MBOAT1: variants seen among roughly 807,000 people sequenced by gnomAD.
MBOAT1 encodes the protein membrane bound glycerophospholipid O-acyltransferase 1, also known as membrane-bound glycerophospholipid O-acyltransferase 1.
MBOAT1 carries 67 observed loss-of-function variants against 64.4 expected under a neutral mutation model. That is an observed-to-expected ratio of 1.04 (90% CI 0.85 to 1.27). The LOEUF is 1.27. Ranked by LOEUF, MBOAT1 falls within the 50% of genes most tolerant of loss-of-function variation. The pLI is 0.00. For missense variants in MBOAT1, 563 were observed against 604.6 expected (o/e 0.93, Z 0.72); for synonymous variants, 229 against 218.9 (o/e 1.05, Z -0.41).
Position 20,109,704 on chromosome 6 carries a change from T to C in MBOAT1, c.1255A>G (p.Lys419Glu), listed in dbSNP as rs750575818. ...CAGGTGCCTGCATCATACACAGCCT[T>C]GAGAGCTCTTGAAGAAAGGAAGTAA... ...RHYFLSSRAL[K>E]AVYDAGTWAV... The change falls in exon 12 of 13, where the codon AAG becomes GAG. Residue 419 changes from lysine (K) to glutamate (E), a missense_variant. Physicochemically the swap from Lys to Glu is moderately conservative, Grantham distance 56. Transcript: ENST00000324607. 3 of 1,614,076 alleles carry C rather than the reference T, an allele frequency of 1.9e-6. No individual in the cohort carries two copies. The Admixed American group carries it at 5.0e-5, about 27-fold the overall frequency.
chr6:20,178,649 AGTTATT>A (rs1290186543), intron 1 of MBOAT1, among the ~76,000 whole-genome samples: 3 of 152,112 alleles, frequency 2.0e-5, no homozygotes, highest in Non-Finnish European at 2.9e-5. Flanking sequence ...TAAAATTAAT[AGTTATT>A]GTTATTGTTG....
intron 1 of MBOAT1, among the ~76,000 whole-genome samples, chr6:20,161,429 C>T (rs1761855156): frequency 6.6e-6 from 1 of 151,922 alleles, no homozygotes; most frequent in African/African-American, 2.4e-5. Context: ...GAAATCATCC[C>T]CATCCCCCAC....
intron 1 of MBOAT1, among the ~76,000 whole-genome samples, chr6:20,164,530 G>A (rs1361736892): frequency 6.6e-6 from 1 of 152,142 alleles, no homozygotes; most frequent in Non-Finnish European, 1.5e-5. Context: ...CTCAACACTG[G>A]AATCAACCAA....
intron 4 of MBOAT1, among the ~76,000 whole-genome samples, chr6:20,132,363 T>G (rs541607978): frequency 6.6e-6 from 1 of 152,218 alleles, no homozygotes; most frequent in Non-Finnish European, 1.5e-5. Flanking sequence ...AGAAGATACA[T>G]TTGTAAAATG....
rs1299509897 is a variant in MBOAT1, at chr6:20,128,606, A to AACAGAATTAATGTGT, written c.530+78_530+92dup. On this transcript the variant is annotated intron_variant, in intron 6 of 12. Transcript: ENST00000324607. ...AAAATAAATGATATTATATCCATAG[A>AACAGAATTAATGTGT]ACAGAATTAATGTGTAGATATTTTT... The AACAGAATTAATGTGT allele has an allele frequency of 6.1e-5, 52 of 859,034 alleles. No homozygotes were observed. In the African/African-American group the frequency reaches 8.3e-4, roughly 14 times the overall value. The allele number at this position is 859,034 out of a possible 1,614,324, so 53.2% of individuals were successfully genotyped here.
At chr6:20,196,676 C>G (rs1027000987) in intron 1 of MBOAT1, among the ~76,000 whole-genome samples, 1 of 152,068 alleles carries the variant, frequency 6.6e-6, no homozygotes, top group Admixed American at 6.6e-5. Flanking sequence ...GCCTGGCCAA[C>G]ATGGTGATAC....
intron 4 of MBOAT1, among the ~76,000 whole-genome samples, chr6:20,135,121 A>T (rs756396085): frequency 1.3e-5 from 2 of 152,086 alleles, no homozygotes; most frequent in Non-Finnish European, 2.9e-5. Flanking sequence ...CATAGGATCC[A>T]ATCATAGGAT....
At chr6:20,154,495 T>C (rs1360413493) in intron 1 of MBOAT1, among the ~76,000 whole-genome samples, 2 of 152,086 alleles carry the variant, frequency 1.3e-5, no homozygotes, top group African/African-American at 4.8e-5. Context: ...ATCGCACCAC[T>C]GCACTCCAGC....
At chr6:20,198,281 C>T (rs1220000159) in intron 1 of MBOAT1, among the ~76,000 whole-genome samples, 3 of 151,598 alleles carry the variant, frequency 2.0e-5, no homozygotes, top group African/African-American at 4.8e-5. Flanking sequence ...CACCTAAGAA[C>T]GTGTTCCATC....
chr6:20,127,618 G>A (rs535768270), intron 6 of MBOAT1, among the ~76,000 whole-genome samples: 46 of 152,286 alleles, frequency 3.0e-4, no homozygotes, highest in African/African-American at 1.1e-3. Context: ...GATGTAGGCT[G>A]CACACTCCTT....
At chr6:20,183,619 G>T (rs1762568345) in intron 1 of MBOAT1, among the ~76,000 whole-genome samples, 1 of 152,188 alleles carries the variant, frequency 6.6e-6, no homozygotes, top group Non-Finnish European at 1.5e-5. Flanking sequence ...CCTGCCAAGT[G>T]TTAAGTCCAC....
chr6:20,209,192 T>G (rs1763349906), intron 1 of MBOAT1, among the ~76,000 whole-genome samples: 1 of 152,220 alleles, frequency 6.6e-6, no homozygotes, highest in African/African-American at 2.4e-5. Context: ...TTCAACAACC[T>G]TATCTTTGAA....
intron 9 of MBOAT1, among the ~76,000 whole-genome samples, chr6:20,116,078 T>A (rs888176549): frequency 2.0e-5 from 3 of 151,836 alleles, no homozygotes; most frequent in Non-Finnish European, 4.4e-5. Context: ...ATGCCTGCAA[T>A]CCCAGCACTT....
intron 12 of MBOAT1, 82 bp from the exon 13 acceptor site, chr6:20,102,494 T>G: frequency 8.1e-7 from 1 of 1,228,548 alleles, no homozygotes; most frequent in African/African-American, 1.5e-5. Context: ...ACCTACAGTA[T>G]GACAAGTGAG....
intron 1 of MBOAT1, among the ~76,000 whole-genome samples, chr6:20,170,401 T>A (rs910082042): frequency 2.6e-5 from 4 of 152,144 alleles, no homozygotes; most frequent in Non-Finnish European, 5.9e-5. Context: ...CTATTCCTCC[T>A]CCAGGTCTCT....
intron 1 of MBOAT1, among the ~76,000 whole-genome samples, chr6:20,178,609 G>A (rs138786828): frequency 2.6e-5 from 4 of 152,258 alleles, no homozygotes; most frequent in African/African-American, 9.6e-5. Context: ...TGTTAGAAAA[G>A]CATCATAGAA....
intron 1 of MBOAT1, among the ~76,000 whole-genome samples, chr6:20,166,711 G>A (rs1762024786): frequency 6.6e-6 from 1 of 152,142 alleles, no homozygotes; most frequent in Non-Finnish European, 1.5e-5. Context: ...GCCGAGGCGG[G>A]AGGATGGTTT....
rs146831863 is a variant in MBOAT1 at position 20,200,171 on chromosome 6, A to G, written c.99+11965T>C. On this transcript the variant is annotated intron_variant, in intron 1 of 12. Coordinates refer to ENST00000324607, the MANE Select transcript of MBOAT1 (RefSeq NM_001080480.3). ...TCCTAAGGCATCCTGGCCTTACTCTAGGTGAGATGAAAGAAGACAGAAGAT... is the reference window on the plus strand; with the variant it reads ...TCCTAAGGCATCCTGGCCTTACTCTGGGTGAGATGAAAGAAGACAGAAGAT... Among the ~76,000 whole-genome samples the G allele has an allele frequency of 9.5e-3, 1,447 of 152,282 alleles. 20 individuals are homozygous for G. The highest frequency in any genetic ancestry group is 0.033 in the African/African-American group (1,352 of 41,558).
chr6:20,134,874 T>G (rs1363036913), intron 4 of MBOAT1, among the ~76,000 whole-genome samples: 1 of 150,728 alleles, frequency 6.6e-6, no homozygotes, highest in African/African-American at 2.4e-5. Flanking sequence ...CAGAACACAT[T>G]TATTGGTTTA....
Sources: allele counts gnomAD v4.1 joint callset (sites outside exome capture counted in the v4.1 genomes callset), GRCh38; gene constraint gnomAD v4.1.1; transcripts MANE v1.5; gene names NCBI Gene and HGNC (gene_info 2026-07-23, HGNC 2026-07-21).